The following SLC8A2 variants were observed in gnomAD, a reference collection of about 807,000 sequenced individuals.
SLC8A2 encodes the protein solute carrier family 8 member A2.
SLC8A2 carries 14 observed loss-of-function variants against 70.2 expected under a neutral mutation model. The observed-to-expected ratio is 0.20, with a 90% confidence interval of 0.13 to 0.31. The LOEUF is 0.31. Ranked by LOEUF, SLC8A2 falls within the 10% of genes least tolerant of loss-of-function variation. The probability of loss-of-function intolerance (pLI) is 1.00; values close to 1 mark genes in which losing one functional copy is unlikely to be tolerated. For synonymous variants in SLC8A2, 575 were observed against 594.3 expected (o/e 0.97, Z 0.47); for missense variants, 779 against 1,320.1 (o/e 0.59, Z 6.35).
At position 47,468,607 on chromosome 19, in the gene SLC8A2, G is replaced by A. The variant is rs1194771606; in HGVS notation, c.-16-2188C>T. Among the ~76,000 whole-genome samples, 5 of 152,098 alleles carry A rather than the reference G, an allele frequency of 3.3e-5. No individual in the cohort carries two copies. Among genetic ancestry groups the A allele is most frequent in the African/African-American group, 9.7e-5 (4 of 41,404 alleles). On this transcript the variant is annotated intron_variant, in intron 1 of 9. Transcript: ENST00000236877. This position sits in a 1 kb window ranked among gnomAD's most constrained non-coding sequence, Gnocchi z 5.1. ...CCCGCCCACTCTTCCCCTCATATCCGCTAGCCTTGCTCTCTCTGCCCTTTC... is the reference window on the plus strand; with the variant it reads ...CCCGCCCACTCTTCCCCTCATATCCACTAGCCTTGCTCTCTCTGCCCTTTC...
rs560111200 is a variant in SLC8A2 at position 47,443,692 on chromosome 19, G to C, written c.1764-2252C>G. The stretch of plus-strand genomic sequence containing the variant: ...CGCTCCTACCTTATATCTAACTCCT[G>C]ACGCCTCTTGGTGTCTCTGTTTACT... On this transcript the variant is annotated intron_variant, in intron 4 of 9. Transcript: ENST00000236877. Among the ~76,000 whole-genome samples, 6 of 152,250 alleles carry C rather than the reference G, an allele frequency of 3.9e-5. No homozygotes were observed. In the East Asian group the frequency reaches 1.2e-3, roughly 29 times the overall value.
chr19:47,463,238 T>G (rs553292715), intron 2 of SLC8A2, among the ~76,000 whole-genome samples: 1 of 151,938 alleles, frequency 6.6e-6, no homozygotes, highest in South Asian at 2.1e-4. Context: ...GTTCACGCTA[T>G]TCTCCTGCCT....
At chr19:47,440,702 C>T (rs1373938896) in intron 6 of SLC8A2, among the ~76,000 whole-genome samples, 2 of 152,158 alleles carry the variant, frequency 1.3e-5, no homozygotes, top group Non-Finnish European at 2.9e-5. Flanking sequence ...AGCGATTCTC[C>T]TGCCTCAGCC....
At chr19:47,438,862 GTCCCAAC>G (rs1037668088) in intron 6 of SLC8A2, among the ~76,000 whole-genome samples, 1 of 152,084 alleles carries the variant, frequency 6.6e-6, no homozygotes, top group Non-Finnish European at 1.5e-5. Flanking sequence ...TCAAACCTCA[GTCCCAAC>G]TCCCAACTCT....
intron 8 of SLC8A2, among the ~76,000 whole-genome samples, chr19:47,434,760 C>G (rs1237984996): frequency 6.6e-6 from 1 of 152,120 alleles, no homozygotes; most frequent in Admixed American, 6.6e-5. Flanking sequence ...TCTCCCTCAC[C>G]CCTCCAGCAG....
intron 6 of SLC8A2, 110 bp downstream of exon 6, chr19:47,441,059 C>T (rs1967093507): frequency 4.9e-6 from 5 of 1,019,718 alleles, no homozygotes; most frequent in East Asian, 4.8e-5. Context: ...ATCTCACCTC[C>T]AATCTGCCTC....
At chr19:47,435,819 A>T (rs1967021880) in intron 8 of SLC8A2, among the ~76,000 whole-genome samples, 1 of 152,008 alleles carries the variant, frequency 6.6e-6, no homozygotes, top group Non-Finnish European at 1.5e-5. Context: ...AAGTGCTAGG[A>T]TTACAGGCGT....
chr19:47,460,696 T>TAA (rs570411930), intron 2 of SLC8A2, among the ~76,000 whole-genome samples: 1 of 135,400 alleles, frequency 7.4e-6, no homozygotes, highest in Non-Finnish European at 1.6e-5. Context: ...GACTCCATCT[T>TAA]AAAAAAAAAA....
chr19:47,451,005 CTTTTTTT>C (rs71180844), intron 3 of SLC8A2, among the ~76,000 whole-genome samples: 1 of 80,216 alleles, frequency 1.2e-5, no homozygotes, highest in African/African-American at 4.3e-5. Context: ...GTAGCACTAT[CTTTTTTT>C]TTTTTTTTTT....
At chr19:47,455,107 G>GAGAGGAGAGAGT (rs1438484694) in intron 3 of SLC8A2, among the ~76,000 whole-genome samples, 1 of 151,970 alleles carries the variant, frequency 6.6e-6, no homozygotes, top group Non-Finnish European at 1.5e-5. Context: ...AGGAAGAGAG[G>GAGAGGAGAGAGT]AGAGGAGAGA....
rs1468710214 is a variant in SLC8A2, at chr19:47,430,489, C to T, written c.2390-24G>A. On this transcript the variant is annotated intron_variant, in intron 9 of 9. Transcript: ENST00000236877. This position sits in a 1 kb window ranked among gnomAD's most constrained non-coding sequence, Gnocchi z 5.9. ...GTCTGCGAGGCAGAGACATACAGGT[C>T]GGAGGGGCTTTGCGCCGCCACCCAC... is the stretch of plus-strand genomic sequence containing the variant. 1 of 1,563,610 alleles carries T rather than the reference C, an allele frequency of 6.4e-7. No homozygotes were observed. Among genetic ancestry groups the T allele is most frequent in the Non-Finnish European group, 8.6e-7 (1 of 1,156,958 alleles).
chr19:47,432,470 G>A lies in SLC8A2; in HGVS notation c.2111-25C>T. The A allele has an allele frequency of 6.4e-7, 1 of 1,552,946 alleles. No individual in the cohort carries two copies. Among genetic ancestry groups the A allele is most frequent in the Non-Finnish European group, 8.7e-7 (1 of 1,149,832 alleles). Reference sequence around the variant, plus strand: ...CCTGTGGGCACACGACCCAGCTGGGGCATACACTCAGACTTCCTTCCTTGC... The same window carrying A: ...CCTGTGGGCACACGACCCAGCTGGGACATACACTCAGACTTCCTTCCTTGC... On this transcript the variant is annotated intron_variant, in intron 8 of 9. Coordinates refer to ENST00000236877, the MANE Select transcript of SLC8A2 (RefSeq NM_015063.3). This position sits in a 1 kb window ranked among gnomAD's most constrained non-coding sequence, Gnocchi z 6.2.
chr19:47,443,155 C>A (rs898216379), intron 4 of SLC8A2, among the ~76,000 whole-genome samples: 3 of 152,188 alleles, frequency 2.0e-5, no homozygotes, highest in African/African-American at 7.2e-5. Context: ...GCACACCCTC[C>A]ATGCATATTT....
intron 3 of SLC8A2, among the ~76,000 whole-genome samples, chr19:47,454,149 A>T (rs1207350416): frequency 1.3e-5 from 2 of 152,018 alleles, no homozygotes; most frequent in Non-Finnish European, 2.9e-5. Flanking sequence ...CTGTCTCAAA[A>T]AACAATAAAA....
At chr19:47,441,733 G>T (rs1472119241) in intron 4 of SLC8A2, among the ~76,000 whole-genome samples, 1 of 152,144 alleles carries the variant, frequency 6.6e-6, no homozygotes, top group Admixed American at 6.5e-5. Context: ...AGGAGGGAGG[G>T]TTGCTTGAGG....
At chr19:47,467,472 C>T (rs1424662795) in intron 1 of SLC8A2, among the ~76,000 whole-genome samples, 1 of 152,090 alleles carries the variant, frequency 6.6e-6, no homozygotes, top group Non-Finnish European at 1.5e-5. Context: ...TGTCCCTCCC[C>T]AAGGTGGTAG....
At position 47,429,801 on chromosome 19, in the gene SLC8A2, C is replaced by A; in HGVS notation, c.*288G>T. ...TGGGGGTGGTTCCCTGGGGAGGGGA[C>A]TGGGGTGGAAATTTCCCCAGGGATA... On this transcript the variant is annotated 3_prime_UTR_variant, in exon 10 of 10. Transcript: ENST00000236877. The A allele has an allele frequency of 2.0e-6, 1 of 510,786 alleles. No individual in the cohort carries two copies. The highest frequency in any genetic ancestry group is 3.5e-6 in the Non-Finnish European group (1 of 289,364). 31.6% of individuals were successfully genotyped at this position (510,786 alleles called of 1,614,324 possible).
rs938944946 is a variant in SLC8A2, at chr19:47,465,596, C to A, written c.675+133G>T. The A allele has an allele frequency of 7.5e-6, 6 of 801,418 alleles. No individual in the cohort carries two copies. The highest frequency in any genetic ancestry group is 1.2e-5 in the Non-Finnish European group (6 of 514,082). The allele number at this position is 801,418 out of a possible 1,614,324, so 49.6% of individuals were successfully genotyped here. ...TGTGTAGTCTGGTGACCTGCACAAC[C>A]GTACTTGGCAGCCCTCTCAGATGTG... On this transcript the variant is annotated intron_variant, in intron 2 of 9. Transcript: ENST00000236877. The surrounding 1 kb of genome is among the most constrained non-coding windows in gnomAD (Gnocchi z 5.5).
chr19:47,439,874 G>A (rs1327371809), intron 6 of SLC8A2, among the ~76,000 whole-genome samples: 1 of 152,150 alleles, frequency 6.6e-6, no homozygotes, highest in African/African-American at 2.4e-5. Context: ...ATGTTGGTTA[G>A]GCTGGTCTTG....
Sources: gnomAD v4.1 joint callset for allele counts (sites outside exome capture counted in the v4.1 genomes callset) on GRCh38, gnomAD v4.1.1 for gene constraint, Gnocchi (gnomAD v3.1) non-coding constraint, MANE v1.5 for transcripts, NCBI Gene and HGNC (gene_info 2026-07-23, HGNC 2026-07-21) for gene names.